Variants in DENND2A observed in about 807,000 individuals in gnomAD.
The protein encoded by DENND2A is DENN domain containing 2A, also known as DENN domain-containing protein 2A.
DENND2A carries 53 observed loss-of-function variants against 105.3 expected under a neutral mutation model. That is an observed-to-expected ratio of 0.50 (90% CI 0.40 to 0.63). DENND2A has a LOEUF of 0.63. DENND2A is among the 30% of genes least tolerant of loss of function. The pLI is 0.00. For synonymous variants in DENND2A, 522 were observed against 508.4 expected (o/e 1.03, Z -0.36); for missense variants, 1,138 against 1,279.6 (o/e 0.89, Z 1.69).
rs150138608 is a variant in DENND2A, at chr7:140,579,582, G to A, written c.1246-5574C>T. On this transcript the variant is annotated intron_variant, in intron 5 of 19. Transcript: ENST00000496613. ...TAATTTTTGTATTTTCAGTAGAGAC[G>A]AGGTTTTGCCATGTTTGCCAGGCTG... Among the ~76,000 whole-genome samples, 607 of 151,852 alleles carry A rather than the reference G, an allele frequency of 4.0e-3. 3 individuals carry two copies. The highest frequency in any genetic ancestry group is 0.013 in the African/African-American group (558 of 41,464).
chr7:140,544,910 A>G, intron 13 of DENND2A, 144 bp from the exon 14 acceptor site: 1 of 1,243,880 alleles, frequency 8.0e-7, no homozygotes, highest in Non-Finnish European at 1.0e-6. Flanking sequence ...AAGCAAAACA[A>G]AAGGATTGGG....
intron 1 of DENND2A, among the ~76,000 whole-genome samples, chr7:140,619,424 C>T (rs905883682): frequency 6.6e-6 from 1 of 151,730 alleles, no homozygotes; most frequent in African/African-American, 2.4e-5. Flanking sequence ...CATTTCTTTC[C>T]AGGGTGATGA....
chr7:140,570,970 C>T (rs1798069640), intron 6 of DENND2A, among the ~76,000 whole-genome samples: 1 of 152,316 alleles, frequency 6.6e-6, no homozygotes. Context: ...TCAAAGAGTA[C>T]ACGCTCATGG....
At chr7:140,522,907 C>T (rs946901680) in intron 17 of DENND2A, among the ~76,000 whole-genome samples, 3 of 151,712 alleles carry the variant, frequency 2.0e-5, no homozygotes, top group African/African-American at 4.8e-5. Context: ...TGTGCCTGGC[C>T]ACAGTTTTTA....
At chr7:140,637,421 G>C (rs922384569) in intron 1 of DENND2A, among the ~76,000 whole-genome samples, 1 of 152,176 alleles carries the variant, frequency 6.6e-6, no homozygotes, top group African/African-American at 2.4e-5. Flanking sequence ...AAACCAAAGG[G>C]AAGAGCCTGG....
rs571227696 is a variant in DENND2A at position 140,636,744 on chromosome 7, A to G, written c.-248+3760T>C. Among the ~76,000 whole-genome samples the G allele has an allele frequency of 6.9e-5, 10 of 145,962 alleles. No individual in the cohort carries two copies. The East Asian group carries it at 2.1e-3, about 30-fold the overall frequency. On this transcript the variant is annotated intron_variant, in intron 1 of 19. Coordinates refer to ENST00000496613, the MANE Select transcript of DENND2A (RefSeq NM_015689.5). The stretch of plus-strand genomic sequence containing the variant: ...CTCACTGTCGCCTAAGCTGGAGTGA[A>G]GTGGCACAATCATAGCTCCCTGCAG...
intron 14 of DENND2A, among the ~76,000 whole-genome samples, chr7:140,532,915 T>C (rs577547225): frequency 9.2e-5 from 14 of 151,492 alleles, no homozygotes; most frequent in East Asian, 7.7e-4. Context: ...GTGTTTTTTT[T>C]CCCAATCATT....
At chr7:140,579,335 G>C (rs555129832) in intron 5 of DENND2A, among the ~76,000 whole-genome samples, 72 of 151,168 alleles carry the variant, frequency 4.8e-4, no homozygotes, top group African/African-American at 1.6e-3. Flanking sequence ...TGATGACATG[G>C]GAAAATACGA....
intron 5 of DENND2A, among the ~76,000 whole-genome samples, chr7:140,577,184 AC>A (rs748373335): frequency 1.6e-4 from 24 of 152,160 alleles, no homozygotes; most frequent in Non-Finnish European, 2.9e-4. Context: ...GAATGGGAAG[AC>A]TTAGCTGTGG....
rs1257356072 is a variant in DENND2A, at chr7:140,602,224, C to T, written c.174G>A (p.Glu58=). ...TCCTGCTGGGTGCAGGAGTGGGCAC[C>T]TCTTTCTTCCCTTCCCATTCTGATA... ...DKISEWEGKK[E]VPTPAPSRRA... The change falls in exon 3 of 20, where the codon GAG becomes GAA. Residue 58 remains glutamate (E), a synonymous_variant. Transcript: ENST00000496613. The T allele has an allele frequency of 3.1e-6, 5 of 1,614,108 alleles. No homozygotes were observed. Among genetic ancestry groups the T allele is most frequent in the South Asian group, 2.2e-5 (2 of 91,074 alleles).
chr7:140,564,858 C>T (rs1797775056), intron 9 of DENND2A, among the ~76,000 whole-genome samples: 1 of 152,202 alleles, frequency 6.6e-6, no homozygotes, highest in African/African-American at 2.4e-5. Flanking sequence ...GACAGCCCTT[C>T]ACGCCTCAGT....
In DENND2A at chr7:140,542,504, C is replaced by T. The variant is rs6955257; in HGVS notation, c.2327+2114G>A. On this transcript the variant is annotated intron_variant, in intron 14 of 19. Coordinates refer to ENST00000496613, the MANE Select transcript of DENND2A (RefSeq NM_015689.5). ...CACCACTGCCGGCTCATCTCTCCCT[C>T]CCCCATCTTCCTCTCTCTGGGCCAG... Among the ~76,000 whole-genome samples the T allele has an allele frequency of 5.9e-3, 895 of 151,940 alleles. 5 individuals are homozygous for T. The highest frequency in any genetic ancestry group is 0.02 in the African/African-American group (813 of 41,368).
rs575951878 is a variant in DENND2A, at chr7:140,637,251, C to T, written c.-248+3253G>A. Among the ~76,000 whole-genome samples, 35 of 152,278 alleles carry T rather than the reference C, an allele frequency of 2.3e-4. 1 individual carries two copies. In the South Asian group the frequency reaches 7.0e-3, roughly 31 times the overall value. ...TAAATGTATATTCTAATGCACACCC[C>T]AAGATTAAAAATGTTAAGAAATCTG... On this transcript the variant is annotated intron_variant, in intron 1 of 19. Coordinates refer to ENST00000496613, the MANE Select transcript of DENND2A (RefSeq NM_015689.5).
At chr7:140,560,926 G>A (rs73491570) in intron 9 of DENND2A, among the ~76,000 whole-genome samples, 2,095 of 150,928 alleles carry the variant, frequency 0.014, 46 homozygotes, top group African/African-American at 0.048. Context: ...AGAACAAGAC[G>A]CTAAGAAAAA....
At chr7:140,622,256 C>A (rs181034654) in intron 1 of DENND2A, among the ~76,000 whole-genome samples, 140 of 152,088 alleles carry the variant, frequency 9.2e-4, no homozygotes, top group Non-Finnish European at 1.4e-3. Context: ...ATTAGCCAGG[C>A]GTGGTGGCAC....
chr7:140,525,181 A>G (rs571431501), intron 16 of DENND2A, among the ~76,000 whole-genome samples: 164 of 68,032 alleles, frequency 2.4e-3, no homozygotes, highest in African/African-American at 4.4e-3. Flanking sequence ...TGGAGATGGG[A>G]TCTCACTCTG....
chr7:140,592,638 C>T lies in DENND2A; in HGVS notation c.996-4858G>A, dbSNP rs182758143. Reference sequence around the variant, plus strand: ...TTTTTGAGACAGAGTCTGGCTCTGTCGCCCAGGCCGGAAGGCAGTGGGGCG... The same window carrying T: ...TTTTTGAGACAGAGTCTGGCTCTGTTGCCCAGGCCGGAAGGCAGTGGGGCG... On this transcript the variant is annotated intron_variant, in intron 3 of 19. Coordinates refer to ENST00000496613, the MANE Select transcript of DENND2A (RefSeq NM_015689.5). Among the ~76,000 whole-genome samples, 4 of 151,408 alleles carry T rather than the reference C, an allele frequency of 2.6e-5. No individual in the cohort carries two copies. The East Asian group carries it at 7.8e-4, about 29-fold the overall frequency.
At position 140,532,522 on chromosome 7, in the gene DENND2A, C is replaced by T. The variant is rs1340365977; in HGVS notation, c.2328-5027G>A. Among the ~76,000 whole-genome samples the T allele has an allele frequency of 2.0e-5, 3 of 152,190 alleles. No individual in the cohort carries two copies. In the East Asian group the frequency reaches 5.8e-4, roughly 29 times the overall value. On this transcript the variant is annotated intron_variant, in intron 14 of 19. Coordinates refer to ENST00000496613, the MANE Select transcript of DENND2A (RefSeq NM_015689.5). ...AGACTTGTGGTTCAAGCACTTTTGA[C>T]TTCACAGTTACAGAATGACAGAATT...
intron 1 of DENND2A, among the ~76,000 whole-genome samples, chr7:140,627,973 G>A (rs1800597310): frequency 6.6e-6 from 1 of 151,938 alleles, no homozygotes; most frequent in African/African-American, 2.4e-5. Context: ...TGTATTTTTA[G>A]TAGAGATGGG....
Sources: gnomAD v4.1 joint callset for allele counts (sites outside exome capture counted in the v4.1 genomes callset) on GRCh38, gnomAD v4.1.1 for gene constraint, MANE v1.5 for transcripts, NCBI Gene and HGNC (gene_info 2026-07-23, HGNC 2026-07-21) for gene names.